The following MAGI2 variants were observed in gnomAD, a reference collection of about 807,000 sequenced individuals.
MAGI2 encodes membrane associated guanylate kinase, WW and PDZ domain containing 2.
Under a neutral mutation model 133.3 loss-of-function variants are expected in MAGI2, and 35 were observed. That is an observed-to-expected ratio of 0.26 (90% CI 0.20 to 0.35). MAGI2 has a LOEUF of 0.35. Among genes scored for constraint, MAGI2 ranks in the 10% least tolerant of loss-of-function variants. MAGI2 has a pLI of 1.00. For missense variants in MAGI2, 1,636 were observed against 1,863.4 expected (o/e 0.88, Z 2.25); for synonymous variants, 729 against 710.6 (o/e 1.03, Z -0.41).
At chr7:78,514,296 G>A (rs1795857909) in intron 4 of MAGI2, among the ~76,000 whole-genome samples, 1 of 150,796 alleles carries the variant, frequency 6.6e-6, no homozygotes, top group African/African-American at 2.4e-5. Context: ...ATTATTAATA[G>A]TAATATTATA....
intron 2 of MAGI2, among the ~76,000 whole-genome samples, chr7:78,638,500 T>G (rs1809917518): frequency 6.6e-6 from 1 of 152,200 alleles, no homozygotes; most frequent in African/African-American, 2.4e-5. Flanking sequence ...TCACTTGCAT[T>G]CACAGTACAG....
At chr7:78,609,300 A>G (rs535617397) in intron 3 of MAGI2, among the ~76,000 whole-genome samples, 54 of 152,266 alleles carry the variant, frequency 3.5e-4, no homozygotes, top group African/African-American at 1.0e-3. Flanking sequence ...GAAGCCATAT[A>G]TATCTCCTGA....
intron 1 of MAGI2, among the ~76,000 whole-genome samples, chr7:79,427,421 C>T (rs551667959): frequency 1.4e-4 from 21 of 152,050 alleles, no homozygotes; most frequent in Non-Finnish European, 2.4e-4. Context: ...TGCCATCTAT[C>T]GAAATGATTT....
At chr7:78,927,970 T>C (rs943794379) in intron 2 of MAGI2, among the ~76,000 whole-genome samples, 5 of 151,918 alleles carry the variant, frequency 3.3e-5, no homozygotes, top group East Asian at 1.9e-4. Context: ...ATACTGAAAT[T>C]GTAAATTTTT....
At chr7:78,602,308 C>T (rs535824395) in intron 3 of MAGI2, among the ~76,000 whole-genome samples, 22 of 151,562 alleles carry the variant, frequency 1.5e-4, no homozygotes, top group Non-Finnish European at 2.5e-4. Flanking sequence ...TACAGGTGCC[C>T]GCCACCATGC....
intron 2 of MAGI2, among the ~76,000 whole-genome samples, chr7:78,728,626 C>T: frequency 1.3e-5 from 1 of 79,194 alleles, no homozygotes; most frequent in African/African-American, 5.7e-5. Context: ...AGTGCAGTGG[C>T]GGGATCTCGG....
chr7:78,608,471 G>T (rs1054824491), intron 3 of MAGI2, among the ~76,000 whole-genome samples: 2 of 149,638 alleles, frequency 1.3e-5, no homozygotes, highest in African/African-American at 2.5e-5. Context: ...GTGTGTGTAT[G>T]TATATATATA....
intron 2 of MAGI2, among the ~76,000 whole-genome samples, chr7:78,901,090 C>T (rs1797587678): frequency 1.3e-5 from 2 of 152,266 alleles, no homozygotes; most frequent in Admixed American, 6.5e-5. Flanking sequence ...TAGGAAACAC[C>T]TCAAACCCTT....
rs116155501 is a variant in MAGI2 at position 79,322,539 on chromosome 7, A to G, written c.301+130481T>C. Among the ~76,000 whole-genome samples, 888 of 152,194 alleles carry G rather than the reference A, an allele frequency of 5.8e-3. 9 individuals are homozygous for G. The highest frequency in any genetic ancestry group is 0.02 in the African/African-American group (822 of 41,538). ...TGAAAAAAAAAAATTAGGGCTTAGC[A>G]CTTTGGGAGGCCAAGGTGGGCAGAT... On this transcript the variant is annotated intron_variant, in intron 1 of 21. Transcript: ENST00000354212.
chr7:79,121,485 G>C (rs1275256053), intron 1 of MAGI2, among the ~76,000 whole-genome samples: 1 of 151,946 alleles, frequency 6.6e-6, no homozygotes, highest in Admixed American at 6.6e-5. Context: ...TTAGGCGCTA[G>C]GTAGCATTTC....
intron 15 of MAGI2, among the ~76,000 whole-genome samples, chr7:78,163,053 C>T (rs1366619895): frequency 2.0e-5 from 3 of 152,194 alleles, no homozygotes; most frequent in Non-Finnish European, 4.4e-5. Context: ...ATCCCTGACT[C>T]ATTCATCTAG....
intron 9 of MAGI2, among the ~76,000 whole-genome samples, chr7:78,268,626 C>T (rs1794253597): frequency 6.6e-6 from 1 of 152,104 alleles, no homozygotes; most frequent in South Asian, 2.1e-4. Context: ...TGTCTTCCAA[C>T]TATGTGGATG....
At chr7:79,415,596 T>C (rs901705741) in intron 1 of MAGI2, 2 of 152,002 alleles carry the variant, frequency 1.3e-5, no homozygotes, top group Non-Finnish European at 2.9e-5. Flanking sequence ...AGACCTACAG[T>C]TGGAAGTTTC....
At chr7:78,505,107 T>C (rs1025007140) in intron 4 of MAGI2, among the ~76,000 whole-genome samples, 3 of 152,144 alleles carry the variant, frequency 2.0e-5, no homozygotes, top group African/African-American at 4.8e-5. Flanking sequence ...TTTGCTTTCA[T>C]TGGGTATCTA....
chr7:78,275,946 A>C lies in MAGI2; in HGVS notation c.1409-19365T>G, dbSNP rs148545601. Reference sequence around the variant, plus strand: ...TATTTTCAGTTTTAGTTACACAGACATGCTAACTTTTCTACATAAACAGTA... The same window carrying C: ...TATTTTCAGTTTTAGTTACACAGACCTGCTAACTTTTCTACATAAACAGTA... On this transcript the variant is annotated intron_variant, in intron 9 of 21. Coordinates refer to ENST00000354212, the MANE Select transcript of MAGI2 (RefSeq NM_012301.4). 3.0e-4 allele frequency among the ~76,000 whole-genome samples: 45 copies of C among 152,304 alleles called. No homozygotes were observed. In the East Asian group the frequency reaches 8.5e-3, roughly 29 times the overall value.
chr7:78,507,102 C>T (rs998685870), intron 4 of MAGI2, among the ~76,000 whole-genome samples: 1 of 152,046 alleles, frequency 6.6e-6, no homozygotes, highest in Non-Finnish European at 1.5e-5. Context: ...CTTGACAAGA[C>T]CTTAATGGGG....
At chr7:78,621,661 G>A (rs143587435) in intron 3 of MAGI2, among the ~76,000 whole-genome samples, 1 of 152,096 alleles carries the variant, frequency 6.6e-6, no homozygotes, top group Admixed American at 6.6e-5. Flanking sequence ...ATGTGGCATA[G>A]CTATAGATGG....
intron 2 of MAGI2, among the ~76,000 whole-genome samples, chr7:78,650,580 A>C (rs1397576694): frequency 6.6e-6 from 1 of 152,218 alleles, no homozygotes; most frequent in Admixed American, 6.5e-5. Flanking sequence ...GAGAGCCTTT[A>C]ATGAAGTGGT....
At chr7:78,136,103 CT>C (rs1169122950) in intron 16 of MAGI2, among the ~76,000 whole-genome samples, 67 of 145,844 alleles carry the variant, frequency 4.6e-4, no homozygotes, top group African/African-American at 1.6e-3. Flanking sequence ...ATGTACACTT[CT>C]TTTCTTTCTT....
Sources: gnomAD v4.1 joint callset for allele counts (sites outside exome capture counted in the v4.1 genomes callset) on GRCh38, gnomAD v4.1.1 for gene constraint, MANE v1.5 for transcripts, NCBI Gene and HGNC (gene_info 2026-07-23, HGNC 2026-07-21) for gene names.